TFPI: variants seen among roughly 807,000 people sequenced by gnomAD.
TFPI encodes tissue factor pathway inhibitor.
Under a neutral mutation model 34.6 loss-of-function variants are expected in TFPI, and 15 were observed. The ratio of observed to expected loss-of-function variants is 0.43; its 90% CI spans 0.29 to 0.67. The LOEUF (loss-of-function observed/expected upper bound fraction) is 0.67, where lower values mean the gene tolerates loss of function less well. Among genes scored for constraint, TFPI ranks in the 30% least tolerant of loss-of-function variants. The probability of loss-of-function intolerance (pLI) is 0.15; values close to 1 mark genes in which losing one functional copy is unlikely to be tolerated. For missense variants in TFPI, 301 were observed against 364.0 expected (o/e 0.83, Z 1.41); for synonymous variants, 105 against 120.1 (o/e 0.87, Z 0.82).
intron 1 of TFPI, among the ~76,000 whole-genome samples, chr2:187,542,126 A>G (rs1166172128): frequency 3.3e-5 from 5 of 152,188 alleles, no homozygotes; most frequent in Admixed American, 6.5e-5. Context: ...TTGAAGAGAA[A>G]AATTTTATGA....
At chr2:187,541,589 A>G (rs1037962326) in intron 1 of TFPI, among the ~76,000 whole-genome samples, 4 of 152,228 alleles carry the variant, frequency 2.6e-5, no homozygotes, top group Admixed American at 6.5e-5. Context: ...AAACTTGAGA[A>G]TCAGGAGACA....
intron 1 of TFPI, among the ~76,000 whole-genome samples, chr2:187,533,900 A>G (rs534590450): frequency 6.6e-6 from 1 of 152,368 alleles, no homozygotes; most frequent in Non-Finnish European, 1.5e-5. Flanking sequence ...AAAACCCAGC[A>G]TGAGAACTTC....
chr2:187,549,775 C>A (rs533041322), intron 1 of TFPI, among the ~76,000 whole-genome samples: 340 of 151,974 alleles, frequency 2.2e-3, no homozygotes, highest in Non-Finnish European at 3.5e-3. Flanking sequence ...AATTTATATT[C>A]ATCTTTTGTT....
intron 2 of TFPI, among the ~76,000 whole-genome samples, chr2:187,502,987 A>G (rs2106116237): frequency 6.6e-6 from 1 of 152,264 alleles, no homozygotes; most frequent in Admixed American, 6.5e-5. Context: ...CCAATGCTTG[A>G]GATTTCTGTC....
chr2:187,530,817 G>T (rs898734553), intron 1 of TFPI, among the ~76,000 whole-genome samples: 1 of 151,948 alleles, frequency 6.6e-6, no homozygotes, highest in South Asian at 2.1e-4. Context: ...TTAAAAATTC[G>T]GTAAAAATTG....
At chr2:187,539,789 C>G (rs1688471322) in intron 1 of TFPI, among the ~76,000 whole-genome samples, 1 of 152,092 alleles carries the variant, frequency 6.6e-6, no homozygotes, top group African/African-American at 2.4e-5. Context: ...AATGTGAAAG[C>G]AGTGTCTAGT....
chr2:187,494,186 G>A (rs8176465), intron 3 of TFPI, among the ~76,000 whole-genome samples: 3,203 of 69,616 alleles, frequency 0.046, 75 homozygotes, highest in African/African-American at 0.13. Flanking sequence ...CTTCCCCCCC[G>A]CCCCATCCCC....
At chr2:187,492,861 T>TG (rs1685214578) in intron 3 of TFPI, among the ~76,000 whole-genome samples, 2 of 152,184 alleles carry the variant, frequency 1.3e-5, no homozygotes, top group Admixed American at 1.3e-4. Flanking sequence ...GATGAGACAT[T>TG]GGACTGTGGA....
Position 187,478,607 on chromosome 2 carries a change from A to G in TFPI, c.628+5517T>C, listed in dbSNP as rs1351307263. On this transcript the variant is annotated intron_variant, in intron 6 of 7. Transcript: ENST00000233156. ...CTATGCATGTAAATATTAAAACTTT[A>G]TTAGCAGTATGCTATCAAAGGCATC... 6 of 1,540,848 alleles carry G rather than the reference A, an allele frequency of 3.9e-6. No homozygotes were observed. The Admixed American group carries it at 9.9e-5, about 26-fold the overall frequency.
At chr2:187,478,712 G>C (rs769127021) in intron 6 of TFPI, 2 of 1,613,616 alleles carry the variant, frequency 1.2e-6, no homozygotes, top group Non-Finnish European at 8.5e-7. Context: ...ATCCTAGAAA[G>C]AACATGGATG....
intron 6 of TFPI, among the ~76,000 whole-genome samples, chr2:187,471,756 A>C (rs1374381837): frequency 6.6e-6 from 1 of 151,650 alleles, no homozygotes; most frequent in East Asian, 1.9e-4. Context: ...TGTTAATGTA[A>C]ATTTGCTTTG....
In TFPI at chr2:187,484,468, A is replaced by C; in HGVS notation, c.536-252T>G. The stretch of plus-strand genomic sequence containing the variant: ...CTTTAATAAATGTTATAGGCAGATA[A>C]AACTGAGTGACTTTAGGTGGTGGTT... On this transcript the variant is annotated intron_variant, in intron 5 of 7. Coordinates refer to ENST00000233156, the MANE Select transcript of TFPI (RefSeq NM_006287.6). 5.9e-6 allele frequency: 3 copies of C among 507,636 alleles called. No homozygotes were observed. In the South Asian group the frequency reaches 9.5e-5, roughly 16 times the overall value. 31.4% of individuals were successfully genotyped at this position (507,636 alleles called of 1,614,324 possible). A position where few individuals can be genotyped will look rare whatever the true frequency, so the allele number is the denominator to read the frequency against.
intron 6 of TFPI, 112 bp downstream of exon 6, chr2:187,484,012 C>A: frequency 1.2e-6 from 1 of 835,126 alleles, no homozygotes. Flanking sequence ...CATTATTAAG[C>A]AACAACGCAG....
chr2:187,532,392 T>C (rs927818847), intron 1 of TFPI, among the ~76,000 whole-genome samples: 18 of 152,306 alleles, frequency 1.2e-4, no homozygotes, highest in African/African-American at 3.6e-4. Context: ...GCTCATCTCA[T>C]TGGGACTGGT....
At chr2:187,517,776 A>G (rs1265398817) in intron 1 of TFPI, 1 of 152,202 alleles carries the variant, frequency 6.6e-6, no homozygotes, top group Non-Finnish European at 1.5e-5. Context: ...GTCAGAGTCT[A>G]AATCTCTTTG....
intron 7 of TFPI, among the ~76,000 whole-genome samples, chr2:187,467,480 A>G (rs977056943): frequency 2.0e-5 from 3 of 152,118 alleles, no homozygotes; most frequent in African/African-American, 7.2e-5. Flanking sequence ...CAATTTTGGT[A>G]TAGTCTTTTA....
chr2:187,480,255 T>C (rs1365953794), intron 6 of TFPI, among the ~76,000 whole-genome samples: 1 of 152,068 alleles, frequency 6.6e-6, no homozygotes, highest in African/African-American at 2.4e-5. Flanking sequence ...AAAGAAGTTG[T>C]TTAACAAATG....
At chr2:187,472,671 G>A (rs1316793805) in intron 6 of TFPI, among the ~76,000 whole-genome samples, 2 of 152,156 alleles carry the variant, frequency 1.3e-5, no homozygotes, top group Non-Finnish European at 2.9e-5. Flanking sequence ...AAATCCAAAT[G>A]TCATTAATTT....
In TFPI at chr2:187,529,711, T is replaced by A. The variant is rs77160052; in HGVS notation, c.-3+24489A>T. 3.5e-3 allele frequency among the ~76,000 whole-genome samples: 532 copies of A among 152,276 alleles called. 5 individuals carry two copies. The highest frequency in any genetic ancestry group is 0.012 in the African/African-American group (501 of 41,558). On this transcript the variant is annotated intron_variant, in intron 1 of 7. Coordinates refer to ENST00000233156, the MANE Select transcript of TFPI (RefSeq NM_006287.6). The stretch of plus-strand genomic sequence containing the variant: ...AGTGTTTCAAGAAAGTGTCTCTAAC[T>A]TGGTTGCAAGTTTGTCTTGGAAGTG...
Sources: gnomAD v4.1 joint callset for allele counts (sites outside exome capture counted in the v4.1 genomes callset) on GRCh38, gnomAD v4.1.1 for gene constraint, MANE v1.5 for transcripts, NCBI Gene and HGNC (gene_info 2026-07-23, HGNC 2026-07-21) for gene names.